Variants in HNF4G observed in about 807,000 individuals in gnomAD.
HNF4G encodes the protein hepatocyte nuclear factor 4 gamma.
Under a neutral mutation model 50.9 loss-of-function variants are expected in HNF4G, and 21 were observed. The observed-to-expected ratio is 0.41, with a 90% CI of 0.29 to 0.59. The LOEUF is 0.59. Ranked by LOEUF, HNF4G falls within the 20% of genes least tolerant of loss-of-function variation. HNF4G has a pLI of 0.26. For missense variants in HNF4G, 527 were observed against 559.4 expected, an observed-to-expected ratio of 0.94 and a Z score of 0.58; for synonymous variants, 198 against 185.6, an observed-to-expected ratio of 1.07 and a Z score of -0.54.
intron 1 of HNF4G, among the ~76,000 whole-genome samples, chr8:75,484,849 C>T (rs1015842727): frequency 6.6e-6 from 1 of 152,124 alleles, no homozygotes; most frequent in African/African-American, 2.4e-5. Context: ...ATTGAGACTC[C>T]ACCAAAAACT....
At chr8:75,461,810 A>G (rs1230668848) in intron 1 of HNF4G, among the ~76,000 whole-genome samples, 1 of 151,360 alleles carries the variant, frequency 6.6e-6, no homozygotes, top group South Asian at 2.1e-4. Context: ...AACAATTGCT[A>G]ATAATAAAAC....
At chr8:75,514,347 CTTCTTTCTTTTTTTTT>C (rs1274395694) in intron 2 of HNF4G, among the ~76,000 whole-genome samples, 20 of 101,186 alleles carry the variant, frequency 2.0e-4, no homozygotes, top group East Asian at 5.3e-4. Context: ...TCCTTTCTTT[CTTCTTTCTTTTTTTTT>C]TTCTTTCTTT....
intron 1 of HNF4G, among the ~76,000 whole-genome samples, chr8:75,488,803 G>A (rs1812552963): frequency 6.6e-6 from 1 of 152,084 alleles, no homozygotes; most frequent in African/African-American, 2.4e-5. Flanking sequence ...TGAATATAAG[G>A]AGTGTGATGT....
chr8:75,469,410 A>G (rs1812063526), intron 1 of HNF4G, among the ~76,000 whole-genome samples: 1 of 152,226 alleles, frequency 6.6e-6, no homozygotes, highest in African/African-American at 2.4e-5. Context: ...GGGACAGTAT[A>G]TGAATCTGAG....
intron 3 of HNF4G, among the ~76,000 whole-genome samples, chr8:75,548,508 C>T (rs1181737525): frequency 1.3e-5 from 2 of 151,756 alleles, no homozygotes; most frequent in Admixed American, 6.6e-5. Flanking sequence ...ATCGAGGGAC[C>T]GAGACAAGAG....
intron 2 of HNF4G, among the ~76,000 whole-genome samples, chr8:75,516,300 T>A (rs1414973209): frequency 1.3e-5 from 2 of 152,208 alleles, no homozygotes; most frequent in African/African-American, 2.4e-5. Flanking sequence ...TATTTTTTTT[T>A]AAATAAGTCT....
chr8:75,409,455 A>G (rs1480454354), intron 1 of HNF4G, among the ~76,000 whole-genome samples: 1 of 148,878 alleles, frequency 6.7e-6, no homozygotes, highest in African/African-American at 2.5e-5. Context: ...GCAAATAATA[A>G]GTATTTGTTT....
upstream of HNF4G, among the ~76,000 whole-genome samples, chr8:75,538,363 T>C (rs2130779488): frequency 6.6e-6 from 1 of 152,332 alleles, no homozygotes; most frequent in South Asian, 2.1e-4. Context: ...ATTGTTCTCC[T>C]GAGCTACAGC....
chr8:75,561,248 A>G lies in HNF4G; in HGVS notation c.1246+782A>G, dbSNP rs753055295. Among the ~76,000 whole-genome samples the G allele has an allele frequency of 6.2e-4, 94 of 152,260 alleles. 1 individual carries two copies. Among genetic ancestry groups the G allele is most frequent in the Non-Finnish European group, 6.2e-4 (42 of 68,014 alleles). ...TTCGACACATCCAGCTTTCTCATTT[A>G]TGTGGACACGTTTTCCTTCGCTGGG... On this transcript the variant is annotated intron_variant, in intron 9 of 9. Coordinates refer to ENST00000396423, the MANE Select transcript of HNF4G (RefSeq NM_004133.5).
At chr8:75,546,883 A>T (rs1301980215) in intron 2 of HNF4G, among the ~76,000 whole-genome samples, 1 of 152,130 alleles carries the variant, frequency 6.6e-6, no homozygotes, top group African/African-American at 2.4e-5. Context: ...CTGCATACAG[A>T]CCTAGCATGG....
At chr8:75,458,889 T>A (rs1337639836) in intron 1 of HNF4G, among the ~76,000 whole-genome samples, 1 of 152,210 alleles carries the variant, frequency 6.6e-6, no homozygotes, top group Admixed American at 6.5e-5. Flanking sequence ...TTAATGGATA[T>A]GATATTAATG....
At chr8:75,542,622 G>A (rs187861749) in intron 1 of HNF4G, among the ~76,000 whole-genome samples, 92 of 152,046 alleles carry the variant, frequency 6.1e-4, no homozygotes, top group Non-Finnish European at 8.4e-4. Flanking sequence ...CAGAGATTTC[G>A]GGGAGTTTTA....
intron 1 of HNF4G, among the ~76,000 whole-genome samples, chr8:75,459,521 C>T (rs984517887): frequency 6.6e-6 from 1 of 152,078 alleles, no homozygotes; most frequent in Non-Finnish European, 1.5e-5. Flanking sequence ...AAGATTTATT[C>T]TAGTCTTGAT....
chr8:75,505,414 T>C lies in HNF4G; in HGVS notation c.-24+15206T>C, dbSNP rs530201005. ...AATGAATTTGGAATTGTCTGTATTCTAACCTGAGTTGGCTTCTCTTTCTAC... is the reference window on the plus strand; with the variant it reads ...AATGAATTTGGAATTGTCTGTATTCCAACCTGAGTTGGCTTCTCTTTCTAC... On this transcript the variant is annotated intron_variant, in intron 2 of 10. Transcript: ENST00000354370. Among the ~76,000 whole-genome samples, 5 of 152,310 alleles carry C rather than the reference T, an allele frequency of 3.3e-5. No homozygotes were observed. The East Asian group carries it at 5.8e-4, about 18-fold the overall frequency.
intron 1 of HNF4G, among the ~76,000 whole-genome samples, chr8:75,461,912 AT>A (rs1275092998): frequency 6.9e-6 from 1 of 144,730 alleles, no homozygotes; most frequent in Non-Finnish European, 1.5e-5. Flanking sequence ...ATATAAATAT[AT>A]ATATATATAT....
At chr8:75,544,691 G>A (rs1307191616) in intron 2 of HNF4G, among the ~76,000 whole-genome samples, 2 of 150,786 alleles carry the variant, frequency 1.3e-5, no homozygotes, top group Non-Finnish European at 2.9e-5. Context: ...ATCATAACAC[G>A]ATTTAAGTAT....
chr8:75,563,747 T>A (rs900920482), intron 9 of HNF4G, among the ~76,000 whole-genome samples: 3 of 152,022 alleles, frequency 2.0e-5, no homozygotes, highest in African/African-American at 7.2e-5. Context: ...ATGAAAAAAA[T>A]TTTTTAACAT....
intron 1 of HNF4G, among the ~76,000 whole-genome samples, chr8:75,416,799 A>T (rs1810647246): frequency 6.6e-6 from 1 of 152,138 alleles, no homozygotes; most frequent in Admixed American, 6.5e-5. Flanking sequence ...GTTTATGTTC[A>T]TATTACTTAA....
chr8:75,470,028 G>A (rs4601286), intron 1 of HNF4G, among the ~76,000 whole-genome samples: 4 of 151,894 alleles, frequency 2.6e-5, no homozygotes, highest in Non-Finnish European at 4.4e-5. Context: ...GAATACTGAC[G>A]TCAAAACTCT....
Sources: gnomAD v4.1 joint callset for allele counts (sites outside exome capture counted in the v4.1 genomes callset) on GRCh38, gnomAD v4.1.1 for gene constraint, MANE v1.5 for transcripts, NCBI Gene and HGNC (gene_info 2026-07-23, HGNC 2026-07-21) for gene names.